The following NFIB variants were observed in gnomAD, a reference collection of about 807,000 sequenced individuals.
The protein encoded by NFIB is nuclear factor I B, also known as nuclear factor 1 B-type.
In NFIB, 11 loss-of-function variants were observed where a neutral mutation model predicts 61.5. That is an observed-to-expected ratio of 0.18 (90% confidence interval 0.11 to 0.30). The LOEUF (loss-of-function observed/expected upper bound fraction) is 0.30, where lower values mean the gene tolerates loss of function less well. Ranked by LOEUF, NFIB falls within the 10% of genes least tolerant of loss-of-function variation. The probability of loss-of-function intolerance (pLI) is 1.00; values close to 1 mark genes in which losing one functional copy is unlikely to be tolerated. For missense variants in NFIB, 471 were observed against 608.9 expected (o/e 0.77, Z 2.38); for synonymous variants, 260 against 216.5 (o/e 1.20, Z -1.76).
Position 14,084,742 on chromosome 9 carries a change from G to A in NFIB, c.*3567C>T, listed in dbSNP as rs1238314009. The stretch of plus-strand genomic sequence containing the variant: ...GGGCGTGCAAGACCTGCAAAAGTGG[G>A]GCCCTTCGTCAGAATATACTTCCTG... On this transcript the variant is annotated 3_prime_UTR_variant, in exon 11 of 11. Transcript: ENST00000380953. 2 of 229,794 alleles carry A rather than the reference G, an allele frequency of 8.7e-6. No homozygotes were observed. Among genetic ancestry groups the A allele is most frequent in the Non-Finnish European group, 1.7e-5 (2 of 116,034 alleles). The allele number at this position is 229,794 out of a possible 1,614,324, so 14.2% of individuals were successfully genotyped here.
At chr9:14,144,571 C>T (rs1169220161) in intron 6 of NFIB, among the ~76,000 whole-genome samples, 1 of 152,224 alleles carries the variant, frequency 6.6e-6, no homozygotes, top group East Asian at 1.9e-4. Context: ...TGTACTCCTA[C>T]TACGCACCAA....
At chr9:14,259,736 A>C (rs1337778381) in intron 2 of NFIB, among the ~76,000 whole-genome samples, 1 of 151,610 alleles carries the variant, frequency 6.6e-6, no homozygotes, top group African/African-American at 2.4e-5. Context: ...TCCTGTCTCT[A>C]CTAAAAATAC....
chr9:14,348,616 G>T lies in NFIB; in HGVS notation c.109-41096C>A, dbSNP rs574986041. Among the ~76,000 whole-genome samples the T allele has an allele frequency of 1.1e-4, 16 of 152,356 alleles. No homozygotes were observed. The South Asian group carries it at 2.7e-3, about 26-fold the overall frequency. On this transcript the variant is annotated intron_variant, in intron 1 of 8. Transcript: ENST00000380934. ...GCCCGGGTGAAACTACCTGTTGGGG[G>T]ATTCTGCCGCCTGGAACCCTTCTTC...
At chr9:14,266,679 T>C (rs1047799481) in intron 2 of NFIB, among the ~76,000 whole-genome samples, 3 of 152,080 alleles carry the variant, frequency 2.0e-5, no homozygotes, top group Admixed American at 2.0e-4. Flanking sequence ...CCCATTTTTG[T>C]GGCCCATCTC....
the NFIB span, among the ~76,000 whole-genome samples, chr9:14,527,728 A>G: frequency 1.3e-5 from 2 of 152,196 alleles, no homozygotes; most frequent in Admixed American, 1.3e-4. Context: ...CAATATTTAG[A>G]CATAATATCT....
At chr9:14,148,757 T>G (rs1437067868) in intron 5 of NFIB, among the ~76,000 whole-genome samples, 1 of 152,202 alleles carries the variant, frequency 6.6e-6, no homozygotes, top group Non-Finnish European at 1.5e-5. Flanking sequence ...TAGATACTCA[T>G]GATTAATATT....
intron 1 of NFIB, among the ~76,000 whole-genome samples, chr9:14,355,821 G>C (rs1252957859): frequency 6.6e-6 from 1 of 152,306 alleles, no homozygotes; most frequent in Non-Finnish European, 1.5e-5. Flanking sequence ...GCCAGTCGTG[G>C]TGGCGGGTGC....
At chr9:14,112,742 G>A (rs1175528515) in intron 10 of NFIB, among the ~76,000 whole-genome samples, 2 of 152,140 alleles carry the variant, frequency 1.3e-5, no homozygotes, top group East Asian at 3.9e-4. Context: ...ATACACTTTG[G>A]CTGAAACACT....
At chr9:14,310,084 TTATAAA>T (rs1206973631) in intron 1 of NFIB, among the ~76,000 whole-genome samples, 4 of 152,348 alleles carry the variant, frequency 2.6e-5, no homozygotes, top group South Asian at 2.1e-4. Flanking sequence ...CAATATTTGA[TTATAAA>T]TATAATCTAT....
At chr9:14,368,025 G>A (rs999646046) in intron 1 of NFIB, among the ~76,000 whole-genome samples, 1 of 152,000 alleles carries the variant, frequency 6.6e-6, no homozygotes, top group Non-Finnish European at 1.5e-5. Context: ...TACCAAACAT[G>A]GCACATGTAC....
chr9:14,364,901 A>G (rs1477989183), intron 1 of NFIB, among the ~76,000 whole-genome samples: 1 of 152,218 alleles, frequency 6.6e-6, no homozygotes, highest in Non-Finnish European at 1.5e-5. Context: ...GGAACAAGAC[A>G]GCAGGGTGAT....
intron 3 of NFIB, among the ~76,000 whole-genome samples, chr9:14,175,362 G>C (rs1159039530): frequency 6.6e-6 from 1 of 151,710 alleles, no homozygotes; most frequent in Non-Finnish European, 1.5e-5. Flanking sequence ...TTTTAGTAGA[G>C]ACGGGGTTTC....
the NFIB span, among the ~76,000 whole-genome samples, chr9:14,462,019 CTGAT>C: frequency 1.3e-5 from 2 of 152,200 alleles, no homozygotes; most frequent in East Asian, 1.9e-4. Context: ...GCAGAGAAGA[CTGAT>C]TGGGAACCTC....
At chr9:14,526,737 T>C in the NFIB span, among the ~76,000 whole-genome samples, 1 of 152,206 alleles carries the variant, frequency 6.6e-6, no homozygotes, top group Non-Finnish European at 1.5e-5. Context: ...TACAGAAATA[T>C]GCTGTAGTTT....
At chr9:14,177,246 A>C (rs952151835) in intron 3 of NFIB, among the ~76,000 whole-genome samples, 2 of 152,188 alleles carry the variant, frequency 1.3e-5, no homozygotes, top group African/African-American at 4.8e-5. Context: ...GAGCTTCCTA[A>C]AGATAAATTA....
intron 2 of NFIB, among the ~76,000 whole-genome samples, chr9:14,182,349 G>A (rs2046874544): frequency 6.6e-6 from 1 of 152,140 alleles, no homozygotes; most frequent in African/African-American, 2.4e-5. Flanking sequence ...AAATAAAGCA[G>A]TGTATACTGT....
intron 3 of NFIB, among the ~76,000 whole-genome samples, chr9:14,166,347 T>C (rs1162417682): frequency 6.6e-6 from 1 of 152,186 alleles, no homozygotes; most frequent in Non-Finnish European, 1.5e-5. Flanking sequence ...AAAGAATATA[T>C]TTCCATTGCC....
chr9:14,115,826 A>G (rs140477458), intron 9 of NFIB, among the ~76,000 whole-genome samples: 6 of 152,356 alleles, frequency 3.9e-5, no homozygotes, highest in South Asian at 2.1e-4. Context: ...GAATGCTCCA[A>G]TAAGTACCAA....
At chr9:14,277,440 A>T (rs943396964) in intron 2 of NFIB, among the ~76,000 whole-genome samples, 1 of 152,196 alleles carries the variant, frequency 6.6e-6, no homozygotes, top group African/African-American at 2.4e-5. Context: ...TGTTTTGCCA[A>T]ATTATGTGCT....
Sources: allele counts gnomAD v4.1 joint callset (sites outside exome capture counted in the v4.1 genomes callset), GRCh38; gene constraint gnomAD v4.1.1; transcripts MANE v1.5; gene names NCBI Gene and HGNC (gene_info 2026-07-23, HGNC 2026-07-21).